The following WWP2 variants were observed in gnomAD, a reference collection of about 807,000 sequenced individuals.
WWP2 encodes NEDD4-like E3 ubiquitin-protein ligase WWP2.
In WWP2, 57 loss-of-function variants were observed where a neutral mutation model predicts 121.0. That is an observed-to-expected ratio of 0.47 (90% CI 0.38 to 0.59). WWP2 has a LOEUF of 0.59. WWP2 is among the 20% of genes least tolerant of loss of function. The probability of loss-of-function intolerance (pLI) is 0.00; values close to 1 mark genes in which losing one functional copy is unlikely to be tolerated. For missense variants in WWP2, 962 were observed against 1,158.9 expected (o/e 0.83, Z 2.47); for synonymous variants, 449 against 441.3 (o/e 1.02, Z -0.22).
At chr16:69,791,744 T>A (rs567503172) in intron 2 of WWP2, among the ~76,000 whole-genome samples, 1 of 152,252 alleles carries the variant, frequency 6.6e-6, no homozygotes, top group African/African-American at 2.4e-5. Flanking sequence ...GGTTTCAAAC[T>A]CCTGGACTCA....
intron 9 of WWP2, among the ~76,000 whole-genome samples, chr16:69,912,003 A>G (rs1214939460): frequency 3.9e-5 from 6 of 151,940 alleles, no homozygotes; most frequent in East Asian, 3.9e-4. Context: ...TGAGATTAAA[A>G]CCTTGGCTGG....
intron 4 of WWP2, among the ~76,000 whole-genome samples, chr16:69,810,258 C>G (rs1308324157): frequency 6.6e-6 from 1 of 152,146 alleles, no homozygotes; most frequent in Non-Finnish European, 1.5e-5. Context: ...ACTCACGTCC[C>G]GCAGTGGCGG....
intron 4 of WWP2, among the ~76,000 whole-genome samples, chr16:69,809,170 C>G (rs1219026781): frequency 6.6e-6 from 1 of 152,220 alleles, no homozygotes; most frequent in Non-Finnish European, 1.5e-5. Flanking sequence ...CAAATCAGAT[C>G]AGAGTCTGTT....
chr16:69,908,662 C>T (rs2058334881), intron 8 of WWP2, 99 bp from the exon 9 acceptor site: 5 of 1,558,540 alleles, frequency 3.2e-6, no homozygotes, highest in Non-Finnish European at 4.3e-6. Context: ...TTGATGCTTC[C>T]TGTAAATTAG....
At chr16:69,886,828 G>A (rs1346121443) in intron 7 of WWP2, among the ~76,000 whole-genome samples, 3 of 152,162 alleles carry the variant, frequency 2.0e-5, no homozygotes, top group Non-Finnish European at 4.4e-5. Flanking sequence ...ATTCTATAGT[G>A]AGCTCCCTGT....
At chr16:69,866,693 T>C (rs895474377) in intron 6 of WWP2, among the ~76,000 whole-genome samples, 3 of 152,212 alleles carry the variant, frequency 2.0e-5, no homozygotes, top group Non-Finnish European at 4.4e-5. Flanking sequence ...TACCATACTT[T>C]ATCCATTTGT....
chr16:69,880,924 A>G (rs1347721717), intron 7 of WWP2, among the ~76,000 whole-genome samples: 3 of 152,200 alleles, frequency 2.0e-5, no homozygotes. Flanking sequence ...AGCATCTTGG[A>G]ACACACAGTG....
At chr16:69,780,435 A>T (rs1223678644) in intron 1 of WWP2, among the ~76,000 whole-genome samples, 2 of 152,208 alleles carry the variant, frequency 1.3e-5, no homozygotes, top group East Asian at 3.8e-4. Context: ...TGCTATGATG[A>T]ACATCCTTGA....
At chr16:69,782,369 T>G (rs1003543698) in intron 1 of WWP2, among the ~76,000 whole-genome samples, 1 of 151,994 alleles carries the variant, frequency 6.6e-6, no homozygotes, top group Non-Finnish European at 1.5e-5. Context: ...ATTGATTGCT[T>G]GAGGTTGAGG....
intron 4 of WWP2, chr16:69,838,714 T>C (rs1299967644): frequency 1.0e-6 from 1 of 985,236 alleles, no homozygotes; most frequent in African/African-American, 1.7e-5. Flanking sequence ...AGGAACTCGT[T>C]TCCTTTGGAA....
chr16:69,821,527 C>G (rs1377092462), intron 4 of WWP2, among the ~76,000 whole-genome samples: 1 of 152,196 alleles, frequency 6.6e-6, no homozygotes, highest in African/African-American at 2.4e-5. Context: ...CCAGAGTGTT[C>G]TGTGAGGTGT....
At chr16:69,856,767 C>G (rs2151896553) in intron 6 of WWP2, among the ~76,000 whole-genome samples, 1 of 151,600 alleles carries the variant, frequency 6.6e-6, no homozygotes, top group South Asian at 2.1e-4. Flanking sequence ...GAGGGAGACT[C>G]TATCTCAAAA....
At chr16:69,769,782 AG>A (rs2151766461) in intron 1 of WWP2, among the ~76,000 whole-genome samples, 1 of 152,102 alleles carries the variant, frequency 6.6e-6, no homozygotes, top group East Asian at 1.9e-4. Context: ...TAGAGAGGGT[AG>A]GTATGATTTT....
intron 1 of WWP2, among the ~76,000 whole-genome samples, chr16:69,764,043 T>C (rs1295885074): frequency 6.6e-6 from 1 of 152,178 alleles, no homozygotes; most frequent in African/African-American, 2.4e-5. Flanking sequence ...CCCTTTGAAA[T>C]TGGGATGGTC....
intron 1 of WWP2, among the ~76,000 whole-genome samples, chr16:69,765,703 A>C (rs1474801278): frequency 6.6e-6 from 1 of 152,184 alleles, no homozygotes; most frequent in Non-Finnish European, 1.5e-5. Context: ...ACATGTGTCT[A>C]ATTCCAGCTA....
intron 9 of WWP2, among the ~76,000 whole-genome samples, chr16:69,914,428 C>A (rs1034675528): frequency 5.0e-5 from 3 of 59,524 alleles, no homozygotes; most frequent in African/African-American, 3.0e-4. Context: ...CATCCTTCTT[C>A]TCAGCTGTAG....
chr16:69,798,359 T>C (rs1259428330), intron 2 of WWP2, among the ~76,000 whole-genome samples: 2 of 152,136 alleles, frequency 1.3e-5, no homozygotes, highest in African/African-American at 4.8e-5. Flanking sequence ...GAGTGACTTA[T>C]GGGGGTGAAG....
rs2055807511 is a variant in WWP2 at position 69,787,005 on chromosome 16, G to A, written c.-6G>A. The A allele has an allele frequency of 6.2e-7, 1 of 1,610,362 alleles. No individual in the cohort carries two copies. The highest frequency in any genetic ancestry group is 8.5e-7 in the Non-Finnish European group (1 of 1,178,784). ...TCTGTTTGTCTTACAGCTTCACGGT[G>A]ATGATATGGCATCTGCCAGCTCTAG... On this transcript the variant is annotated 5_prime_UTR_variant, in exon 2 of 24. Transcript: ENST00000359154.
rs145175944 is a variant in WWP2, at chr16:69,799,990, G to A, written c.340+695G>A. On this transcript the variant is annotated intron_variant, in intron 4 of 23. Coordinates refer to ENST00000359154, the MANE Select transcript of WWP2 (RefSeq NM_001270454.2). This position sits in a 1 kb window ranked among gnomAD's most constrained non-coding sequence, Gnocchi z 4.5. ...GCGAATGAATGGCATGGAAAGAAAG[G>A]CTCCTTTTTCTCTTGATATCTGGAA... Among the ~76,000 whole-genome samples the A allele has an allele frequency of 6.6e-6, 1 of 150,972 alleles. No individual in the cohort carries two copies. The highest frequency in any genetic ancestry group is 6.7e-5 in the Admixed American group (1 of 14,986).
Sources: gnomAD v4.1 joint callset for allele counts (sites outside exome capture counted in the v4.1 genomes callset) on GRCh38, gnomAD v4.1.1 for gene constraint, Gnocchi (gnomAD v3.1) non-coding constraint, MANE v1.5 for transcripts, NCBI Gene and HGNC (gene_info 2026-07-23, HGNC 2026-07-21) for gene names.